Variants in NKAIN2 observed in about 807,000 individuals in gnomAD.
NKAIN2 encodes the protein sodium/potassium-transporting ATPase subunit beta-1-interacting protein 2.
In NKAIN2, 14 loss-of-function variants were observed where a neutral mutation model predicts 32.6. The ratio of observed to expected loss-of-function variants is 0.43; its 90% confidence interval spans 0.28 to 0.67. The LOEUF (loss-of-function observed/expected upper bound fraction) is 0.67, where lower values mean the gene tolerates loss of function less well. Ranked by LOEUF, NKAIN2 falls within the 30% of genes least tolerant of loss-of-function variation. The pLI is 0.17. For synonymous variants in NKAIN2, 80 were observed against 87.2 expected (o/e 0.92, Z 0.46); for missense variants, 198 against 258.3 (o/e 0.77, Z 1.60).
chr6:123,838,838 G>A (rs1445014243), intron 1 of NKAIN2, among the ~76,000 whole-genome samples: 1 of 152,182 alleles, frequency 6.6e-6, no homozygotes, highest in Non-Finnish European at 1.5e-5. Context: ...CACCCTGTAT[G>A]CTAGAAAAAG....
intron 5 of NKAIN2, among the ~76,000 whole-genome samples, chr6:124,796,175 A>G (rs545714987): frequency 1.3e-5 from 2 of 152,158 alleles, no homozygotes; most frequent in Non-Finnish European, 2.9e-5. Context: ...GGGATGCCAT[A>G]AAAACATACC....
chr6:124,696,429 T>C (rs867057382), intron 4 of NKAIN2, among the ~76,000 whole-genome samples: 3 of 152,220 alleles, frequency 2.0e-5, no homozygotes, highest in Middle Eastern at 3.4e-3. Context: ...ACAAACTGGT[T>C]TTGCTTCAGA....
intron 1 of NKAIN2, among the ~76,000 whole-genome samples, chr6:124,257,842 G>A (rs369769981): frequency 6.8e-6 from 1 of 146,428 alleles, no homozygotes; most frequent in African/African-American, 2.6e-5. Context: ...ACAGTGGCAC[G>A]ATCTTGGATC....
intron 4 of NKAIN2, among the ~76,000 whole-genome samples, chr6:124,711,064 G>A (rs1050451991): frequency 6.9e-6 from 1 of 145,694 alleles, no homozygotes; most frequent in Non-Finnish European, 1.5e-5. Context: ...TGTCTGTAAA[G>A]TATTTTATTT....
At chr6:124,733,875 T>C (rs1776806534) in intron 4 of NKAIN2, among the ~76,000 whole-genome samples, 1 of 151,804 alleles carries the variant, frequency 6.6e-6, no homozygotes, top group Admixed American at 6.6e-5. Flanking sequence ...TTTCTTGCAC[T>C]GTCAGTTGAC....
chr6:124,300,011 T>A (rs1796230960), intron 2 of NKAIN2, among the ~76,000 whole-genome samples: 1 of 152,158 alleles, frequency 6.6e-6, no homozygotes, highest in South Asian at 2.1e-4. Flanking sequence ...AGAGGCAGAG[T>A]TGGGTGACCC....
At chr6:124,352,875 T>A (rs1798793740) in intron 2 of NKAIN2, among the ~76,000 whole-genome samples, 1 of 152,184 alleles carries the variant, frequency 6.6e-6, no homozygotes, top group Admixed American at 6.5e-5. Flanking sequence ...TCATAGAGCT[T>A]CTCAAATTCC....
intron 1 of NKAIN2, among the ~76,000 whole-genome samples, chr6:123,893,850 G>A (rs553815607): frequency 6.6e-6 from 1 of 152,314 alleles, no homozygotes; most frequent in African/African-American, 2.4e-5. Flanking sequence ...TATTTGGCCA[G>A]GGCCTCAGTT....
chr6:124,114,466 G>A (rs1297480065), intron 1 of NKAIN2, among the ~76,000 whole-genome samples: 1 of 152,064 alleles, frequency 6.6e-6, no homozygotes, highest in African/African-American at 2.4e-5. Context: ...ATAAGTTCAA[G>A]TAGAGATGTC....
chr6:124,603,018 C>A (rs753208107), intron 3 of NKAIN2, among the ~76,000 whole-genome samples: 5 of 151,980 alleles, frequency 3.3e-5, no homozygotes, highest in Non-Finnish European at 7.4e-5. Context: ...GAAGATTACA[C>A]AGCCTCATGC....
chr6:124,049,841 A>C (rs1415049823), intron 1 of NKAIN2, among the ~76,000 whole-genome samples: 1 of 152,010 alleles, frequency 6.6e-6, no homozygotes, highest in African/African-American at 2.4e-5. Flanking sequence ...ATAAAGGTCC[A>C]TTTGACTTAT....
rs538986657 is a variant in NKAIN2, at chr6:124,233,041, G to A, written c.55-49964G>A. On this transcript the variant is annotated intron_variant, in intron 1 of 6. Coordinates refer to ENST00000368417, the MANE Select transcript of NKAIN2 (RefSeq NM_001040214.3). ...AGGAGAGAATTCTGAGTTGCTGGGG[G>A]TACAATGGGAACCAGTCTGGGCCTG... is the stretch of plus-strand genomic sequence containing the variant. Among the ~76,000 whole-genome samples, 16 of 152,186 alleles carry A rather than the reference G, an allele frequency of 1.1e-4. No homozygotes were observed. In the South Asian group the frequency reaches 3.3e-3, roughly 32 times the overall value.
At chr6:123,967,291 G>A (rs1396777845) in intron 1 of NKAIN2, among the ~76,000 whole-genome samples, 1 of 152,166 alleles carries the variant, frequency 6.6e-6, no homozygotes, top group Non-Finnish European at 1.5e-5. Context: ...CTTTGAAATT[G>A]CAAATACTCT....
chr6:124,445,774 G>A (rs1341012225), intron 3 of NKAIN2, among the ~76,000 whole-genome samples: 2 of 73,792 alleles, frequency 2.7e-5, no homozygotes, highest in South Asian at 6.6e-4. Context: ...AAATGAAAAC[G>A]AAACAAAACA....
At chr6:124,072,320 T>C (rs1472054601) in intron 1 of NKAIN2, among the ~76,000 whole-genome samples, 5 of 151,800 alleles carry the variant, frequency 3.3e-5, no homozygotes, top group Admixed American at 3.3e-4. Flanking sequence ...GTTGAGAGAG[T>C]AGGAAATGGG....
At chr6:123,916,130 G>A (rs1775481883) in intron 1 of NKAIN2, among the ~76,000 whole-genome samples, 1 of 152,116 alleles carries the variant, frequency 6.6e-6, no homozygotes, top group Non-Finnish European at 1.5e-5. Context: ...TGTAGAGAGT[G>A]CAGGACAAAG....
At chr6:123,884,911 G>A (rs997086321) in intron 1 of NKAIN2, among the ~76,000 whole-genome samples, 1 of 152,164 alleles carries the variant, frequency 6.6e-6, no homozygotes, top group Non-Finnish European at 1.5e-5. Context: ...TTAATTGATT[G>A]TAGTAAATAT....
chr6:124,073,562 T>C (rs1333595825), intron 1 of NKAIN2, among the ~76,000 whole-genome samples: 3 of 152,300 alleles, frequency 2.0e-5, no homozygotes, highest in Non-Finnish European at 4.4e-5. Flanking sequence ...AGAGCCATGA[T>C]TGAGACTCTG....
intron 1 of NKAIN2, among the ~76,000 whole-genome samples, chr6:123,968,696 C>T (rs7753102): frequency 0.047 from 7,115 of 152,242 alleles, 288 homozygotes; most frequent in East Asian, 0.14. Flanking sequence ...ATATCATTGC[C>T]TGAAGCTGTG....
Sources: gnomAD v4.1 joint callset for allele counts (sites outside exome capture counted in the v4.1 genomes callset) on GRCh38, gnomAD v4.1.1 for gene constraint, MANE v1.5 for transcripts, NCBI Gene and HGNC (gene_info 2026-07-23, HGNC 2026-07-21) for gene names.